The following VWA8 variants were observed in gnomAD, a reference collection of about 807,000 sequenced individuals.
The protein encoded by VWA8 is von Willebrand factor A domain containing 8, also known as von Willebrand factor A domain-containing protein 8.
A neutral mutation model predicts 241.5 loss-of-function variants in VWA8; 221 were observed. The observed-to-expected ratio is 0.91, with a 90% confidence interval of 0.82 to 1.02. VWA8 has a LOEUF of 1.02. Among genes scored for constraint, VWA8 ranks in the 50% least tolerant of loss-of-function variants. The pLI is 0.00. For synonymous variants in VWA8, 852 were observed against 827.1 expected (o/e 1.03, Z -0.52); for missense variants, 2,322 against 2,328.7 (o/e 1.00, Z 0.06).
chr13:41,596,875 C>T (rs1406034846), intron 40 of VWA8, among the ~76,000 whole-genome samples: 1 of 149,376 alleles, frequency 6.7e-6, no homozygotes, highest in Non-Finnish European at 1.5e-5. Context: ...TGACAAAAAC[C>T]AATCATCTTG....
intron 37 of VWA8, among the ~76,000 whole-genome samples, chr13:41,621,095 A>G (rs1289658001): frequency 6.6e-6 from 1 of 152,186 alleles, no homozygotes; most frequent in East Asian, 1.9e-4. Flanking sequence ...CAACTTTACA[A>G]TGGGATGAAA....
chr13:41,611,699 C>T lies in VWA8; in HGVS notation c.4754G>A (p.Gly1585Glu). Residue 1585 changes from glycine to glutamate, a missense_variant, in exon 39 of 45, where the codon GGA (glycine) becomes GAA (glutamate). Physicochemically the swap from Gly to Glu is moderately conservative, Grantham distance 98. Coordinates refer to ENST00000379310, the MANE Select transcript of VWA8 (RefSeq NM_015058.2). ...GRDTAGLGGK[G>E]GPYRLDAGHT... is the part of the protein sequence containing the mutation. ...GCCTGCATCCAGCCGGTAAGGGCCT[C>T]CTTTGCCACCCAGGCCTGCCGTGTC... is the stretch of plus-strand genomic sequence containing the variant. The T allele has an allele frequency of 6.2e-7, 1 of 1,614,050 alleles. No individual in the cohort carries two copies. Among genetic ancestry groups the T allele is most frequent in the Non-Finnish European group, 8.5e-7 (1 of 1,179,954 alleles).
Position 41,671,541 on chromosome 13 carries a change from C to T in VWA8, c.4410-394G>A, listed in dbSNP as rs146887389. ...TTGCTATGGACTAAATGCTTGTATCCGCATCCCCCCGCCCGCCAAATTCAT... is the reference window on the plus strand; with the variant it reads ...TTGCTATGGACTAAATGCTTGTATCTGCATCCCCCCGCCCGCCAAATTCAT... On this transcript the variant is annotated intron_variant, in intron 36 of 44. Transcript: ENST00000379310. 2.6e-5 allele frequency among the ~76,000 whole-genome samples: 4 copies of T among 152,084 alleles called. No homozygotes were observed. In the East Asian group the frequency reaches 7.7e-4, roughly 29 times the overall value.
chr13:41,725,523 A>C (rs150040098), intron 24 of VWA8, among the ~76,000 whole-genome samples: 9 of 152,340 alleles, frequency 5.9e-5, no homozygotes, highest in African/African-American at 1.9e-4. Context: ...GAAGGGTCAC[A>C]TATGTGTATA....
intron 35 of VWA8, among the ~76,000 whole-genome samples, chr13:41,676,329 A>T (rs1269447473): frequency 1.3e-5 from 2 of 152,112 alleles, no homozygotes. Context: ...GGTGGTGAAG[A>T]CCTGCCCTCA....
intron 40 of VWA8, 132 bp from the exon 41 acceptor site, chr13:41,590,897 A>G: frequency 8.7e-7 from 1 of 1,155,212 alleles, no homozygotes; most frequent in Non-Finnish European, 1.2e-6. Context: ...GAACACAGTC[A>G]TATAAATGAA....
intron 26 of VWA8, among the ~76,000 whole-genome samples, chr13:41,705,037 A>G (rs2045274154): frequency 1.3e-5 from 2 of 152,186 alleles, no homozygotes; most frequent in African/African-American, 4.8e-5. Flanking sequence ...TATTTTTTGC[A>G]TAAAATAATG....
intron 38 of VWA8, among the ~76,000 whole-genome samples, chr13:41,614,045 C>T (rs2044605974): frequency 6.6e-6 from 1 of 152,222 alleles, no homozygotes; most frequent in African/African-American, 2.4e-5. Context: ...GCTCGTCCCA[C>T]AATGCATTCC....
intron 6 of VWA8, 123 bp from the exon 7 acceptor site, chr13:41,886,953 A>G: frequency 2.2e-6 from 2 of 892,506 alleles, no homozygotes; most frequent in East Asian, 5.7e-5. Context: ...ACAGCAAAAA[A>G]TCATTTATTG....
At chr13:41,953,292 A>G (rs1222972469) in intron 1 of VWA8, among the ~76,000 whole-genome samples, 1 of 152,240 alleles carries the variant, frequency 6.6e-6, no homozygotes, top group African/African-American at 2.4e-5. Flanking sequence ...ATGGAACACT[A>G]CACCCAACAA....
intron 21 of VWA8, among the ~76,000 whole-genome samples, chr13:41,749,469 T>TAG (rs140058544): frequency 0.16 from 24,688 of 152,082 alleles, 2,127 homozygotes; most frequent in Non-Finnish European, 0.2. Flanking sequence ...GATCTAGAAC[T>TAG]AGAAATACCT....
At chr13:41,830,199 C>T (rs1455416376) in intron 14 of VWA8, among the ~76,000 whole-genome samples, 2 of 149,046 alleles carry the variant, frequency 1.3e-5, no homozygotes, top group Non-Finnish European at 3.0e-5. Context: ...GCCGAGATTG[C>T]GCCACCGCAC....
chr13:41,599,321 T>G (rs1470978932), intron 40 of VWA8, among the ~76,000 whole-genome samples: 5 of 152,158 alleles, frequency 3.3e-5, no homozygotes, highest in Non-Finnish European at 5.9e-5. Context: ...ATTCCCTTAT[T>G]ATTTCTGCTT....
intron 3 of VWA8, among the ~76,000 whole-genome samples, chr13:41,908,421 G>T (rs185248503): frequency 2.8e-4 from 42 of 151,448 alleles, no homozygotes; most frequent in African/African-American, 1.0e-3. Flanking sequence ...GCAGTAAGCC[G>T]AGATCACACC....
chr13:41,808,470 G>T (rs564350661), intron 17 of VWA8, among the ~76,000 whole-genome samples: 1 of 152,204 alleles, frequency 6.6e-6, no homozygotes, highest in Admixed American at 6.5e-5. Context: ...GAGAGGCAGG[G>T]AGGTACCACA....
intron 9 of VWA8, among the ~76,000 whole-genome samples, chr13:41,869,406 A>C (rs144621029): frequency 6.6e-6 from 1 of 151,934 alleles, no homozygotes; most frequent in African/African-American, 2.4e-5. Context: ...CGCCAAGGCA[A>C]GCGGATCACC....
At position 41,671,275 on chromosome 13, in the gene VWA8, C is replaced by A. The variant is rs2137799123; in HGVS notation, c.4410-128G>T. The A allele has an allele frequency of 3.0e-6, 3 of 1,007,668 alleles. No homozygotes were observed. The East Asian group carries it at 7.7e-5, about 26-fold the overall frequency. 62.4% of individuals were successfully genotyped at this position (1,007,668 alleles called of 1,614,324 possible). A position where few individuals can be genotyped will look rare whatever the true frequency, so the allele number is the denominator to read the frequency against. ...CACTACTCATTATTTTATACCTGCT[C>A]TTACCTCTGTCACCACATAGGCAGG... On this transcript the variant is annotated intron_variant, in intron 36 of 44. Coordinates refer to ENST00000379310, the MANE Select transcript of VWA8 (RefSeq NM_015058.2).
At chr13:41,744,637 G>A (rs2045590879) in intron 21 of VWA8, among the ~76,000 whole-genome samples, 2 of 152,020 alleles carry the variant, frequency 1.3e-5, no homozygotes, top group African/African-American at 4.8e-5. Flanking sequence ...AATTGAATAA[G>A]GAGAAAGTTG....
intron 17 of VWA8, among the ~76,000 whole-genome samples, chr13:41,809,539 C>T (rs1870372346): frequency 6.6e-6 from 1 of 152,248 alleles, no homozygotes. Context: ...GCTGGGAAAA[C>T]TGGATATCCA....
Sources: gnomAD v4.1 joint callset for allele counts (sites outside exome capture counted in the v4.1 genomes callset) on GRCh38, gnomAD v4.1.1 for gene constraint, MANE v1.5 for transcripts, NCBI Gene and HGNC (gene_info 2026-07-23, HGNC 2026-07-21) for gene names.